ZNF280C: variants seen among roughly 807,000 people sequenced by gnomAD.
The protein encoded by ZNF280C is zinc finger protein 280C, also known as suppressor of hairy wing homolog 3.
Under a neutral mutation model 53.6 loss-of-function variants are expected in ZNF280C, and 14 were observed. That is an observed-to-expected ratio of 0.26 (90% CI 0.17 to 0.41). The LOEUF (loss-of-function observed/expected upper bound fraction) is 0.41, where lower values mean the gene tolerates loss of function less well. ZNF280C is among the 10% of genes least tolerant of loss of function. ZNF280C has a pLI of 1.00. For synonymous variants in ZNF280C, 203 were observed against 181.1 expected (o/e 1.12, Z -0.97); for missense variants, 416 against 547.1 (o/e 0.76, Z 2.39).
chrX:130,210,538 G>C (rs2032029599), intron 15 of ZNF280C, among the ~76,000 whole-genome samples: 1 of 111,902 alleles, frequency 8.9e-6, no homozygotes, highest in African/African-American at 3.2e-5. Flanking sequence ...TTTGGGGAGG[G>C]GGATAATCTG....
At chrX:130,208,204 A>G in intron 16 of ZNF280C, among the ~76,000 whole-genome samples, 1 of 111,904 alleles carries the variant, frequency 8.9e-6, no homozygotes, top group Non-Finnish European at 1.9e-5. Context: ...ATCTTGGCTC[A>G]CTGCAACCTC....
intron 13 of ZNF280C, 91 bp from the exon 14 acceptor site, chrX:130,216,192 C>T (rs1170848027): frequency 3.5e-5 from 30 of 849,686 alleles, no homozygotes; most frequent in Middle Eastern, 3.2e-4. Flanking sequence ...ATCACATTTA[C>T]GGTAAACTGG....
intron 2 of ZNF280C, among the ~76,000 whole-genome samples, chrX:130,259,093 C>T (rs1013508719): frequency 1.8e-5 from 2 of 112,201 alleles, no homozygotes; most frequent in African/African-American, 6.5e-5. Flanking sequence ...TAACCTCTTA[C>T]TGCACTGACA....
intron 3 of ZNF280C, 44 bp from the exon 4 acceptor site, chrX:130,243,909 TA>T (rs2032421471): frequency 3.6e-6 from 3 of 843,699 alleles, no homozygotes; most frequent in Admixed American, 3.9e-5. Context: ...GTGAATGAAA[TA>T]TATACTAATA....
chrX:130,220,442 T>C lies in ZNF280C; in HGVS notation c.1434A>G (p.Gln478=), dbSNP rs142006341. 30 of 1,200,862 alleles carry C rather than the reference T, an allele frequency of 2.5e-5. No individual in the cohort carries two copies. Among genetic ancestry groups the C allele is most frequent in the African/African-American group, 3.5e-5 (2 of 57,024 alleles). The part of the protein sequence containing the change: ...GVHRCPKCRL[Q]FLTSKEKAEH... ...CAGCTTTCTCCTTGCTGGTCAAAAA[T>C]TGTAGTCTGCATTTTGGGCAACGAT... Residue 478 remains glutamine, a synonymous_variant, in exon 13 of 19, where the codon CAA becomes CAG. Coordinates refer to ENST00000370978, the MANE Select transcript of ZNF280C (RefSeq NM_017666.5).
At chrX:130,206,655 C>A (rs183860242) in intron 16 of ZNF280C, among the ~76,000 whole-genome samples, 1 of 111,781 alleles carries the variant, frequency 8.9e-6, no homozygotes, top group African/African-American at 3.3e-5. Context: ...CGTAAGCCAC[C>A]GTGCCTGGCT....
At chrX:130,205,792 GAC>G (rs2031967062) in intron 16 of ZNF280C, among the ~76,000 whole-genome samples, 1 of 107,640 alleles carries the variant, frequency 9.3e-6, no homozygotes, top group Non-Finnish European at 1.9e-5. Flanking sequence ...GGGAGGCTGA[GAC>G]AGGAGAATTG....
intron 1 of ZNF280C, among the ~76,000 whole-genome samples, chrX:130,265,609 A>C (rs2032679950): frequency 8.9e-6 from 1 of 112,123 alleles, no homozygotes; most frequent in Non-Finnish European, 1.9e-5. Flanking sequence ...ATTGATGGGA[A>C]CACTGGACAT....
intron 8 of ZNF280C, among the ~76,000 whole-genome samples, chrX:130,234,056 T>C (rs1325597117): frequency 9.0e-6 from 1 of 110,973 alleles, no homozygotes; most frequent in Non-Finnish European, 1.9e-5. Context: ...ATCAGACCAG[T>C]TAAATTTCTC....
chrX:130,249,439 G>A (rs1464785802), intron 2 of ZNF280C, among the ~76,000 whole-genome samples: 2 of 111,957 alleles, frequency 1.8e-5, no homozygotes, highest in Non-Finnish European at 3.8e-5. Flanking sequence ...AGAGGTCCAC[G>A]AGCACCTCAG....
rs1023983171 is a variant in ZNF280C at position 130,230,433 on chromosome X, G to A, written c.989+77C>T. On this transcript the variant is annotated intron_variant, in intron 9 of 18. Coordinates refer to ENST00000370978, the MANE Select transcript of ZNF280C (RefSeq NM_017666.5). ...TTAGAATTAATTACCGAGGATGGCA[G>A]AGCAATGTAAAGATACTATATTCTT... The A allele has an allele frequency of 6.5e-6, 4 of 619,867 alleles. No homozygotes were observed. The African/African-American group carries it at 6.9e-5, about 11-fold the overall frequency. 51.1% of individuals were successfully genotyped at this position (619,867 alleles called of 1,213,427 possible).
rs781247226 is a variant in ZNF280C, at chrX:130,230,979, A to C, written c.772-252T>G. ...AAAACCTTAAGATCAGGGGATGTTT[A>C]TGTATCTAATATTTTTTCCTTGCAA... is the stretch of plus-strand genomic sequence containing the variant. On this transcript the variant is annotated intron_variant, in intron 8 of 18. Coordinates refer to ENST00000370978, the MANE Select transcript of ZNF280C (RefSeq NM_017666.5). Among the ~76,000 whole-genome samples, 3 of 111,900 alleles carry C rather than the reference A, an allele frequency of 2.7e-5. No individual in the cohort carries two copies. In the East Asian group the frequency reaches 8.3e-4, roughly 31 times the overall value.
rs1014758173 is a variant in ZNF280C at position 130,235,717 on chromosome X, G to A, written c.771+497C>T. On this transcript the variant is annotated intron_variant, in intron 8 of 18. Transcript: ENST00000370978. ...GAGTATTTACCATGTCTCTGCGTTG[G>A]CAATATTCTAAGTGCTCTCTCCTAG... is the stretch of plus-strand genomic sequence containing the variant. 4.5e-5 allele frequency among the ~76,000 whole-genome samples: 5 copies of A among 111,731 alleles called. No individual in the cohort carries two copies. The Admixed American group carries it at 4.8e-4, about 11-fold the overall frequency.
chrX:130,252,718 C>A (rs764838127), intron 2 of ZNF280C, among the ~76,000 whole-genome samples: 28 of 95,640 alleles, frequency 2.9e-4, no homozygotes, highest in African/African-American at 5.4e-4. Context: ...GACTCCGTCT[C>A]AAAAAAAAAA....
At chrX:130,261,372 A>C (rs1041310767) in intron 1 of ZNF280C, among the ~76,000 whole-genome samples, 12 of 112,653 alleles carry the variant, frequency 1.1e-4, no homozygotes, top group Admixed American at 2.8e-4. Flanking sequence ...AAAAAAGGTA[A>C]AAATCAGACA....
At chrX:130,257,015 A>G (rs2032580357) in intron 2 of ZNF280C, among the ~76,000 whole-genome samples, 1 of 109,052 alleles carries the variant, frequency 9.2e-6, no homozygotes, top group Non-Finnish European at 1.9e-5. Context: ...CCTGGCTAAC[A>G]TGGTGAAACC....
chrX:130,256,649 T>C (rs999925814), intron 2 of ZNF280C, among the ~76,000 whole-genome samples: 1 of 110,300 alleles, frequency 9.1e-6, no homozygotes, highest in Admixed American at 9.7e-5. Flanking sequence ...TCCCAGCACT[T>C]TGGGAGGCTG....
chrX:130,205,594 G>A (rs1370613952), intron 16 of ZNF280C, among the ~76,000 whole-genome samples, 179 bp from the exon 17 acceptor site: 1 of 111,047 alleles, frequency 9.0e-6, no homozygotes, highest in Non-Finnish European at 1.9e-5. Context: ...AAATGGCATC[G>A]CTGGCCAGGC....
intron 12 of ZNF280C, among the ~76,000 whole-genome samples, chrX:130,222,055 T>C (rs960580434): frequency 9.0e-6 from 1 of 110,858 alleles, no homozygotes; most frequent in African/African-American, 3.3e-5. Context: ...AGGTATATGT[T>C]CACTTCACTG....
Sources: allele counts gnomAD v4.1 joint callset (sites outside exome capture counted in the v4.1 genomes callset), GRCh38; gene constraint gnomAD v4.1.1; transcripts MANE v1.5; gene names NCBI Gene and HGNC (gene_info 2026-07-23, HGNC 2026-07-21).